Variants in TBXAS1 observed in about 807,000 individuals in gnomAD.
TBXAS1 encodes thromboxane A synthase 1.
In TBXAS1, 48 loss-of-function variants were observed where a neutral mutation model predicts 60.7. The ratio of observed to expected loss-of-function variants is 0.79; its 90% CI spans 0.63 to 1.01. The LOEUF is 1.01. Ranked by LOEUF, TBXAS1 falls within the 50% of genes least tolerant of loss-of-function variation. TBXAS1 has a pLI of 0.00. For missense variants in TBXAS1, 685 were observed against 686.3 expected (o/e 1.00, Z 0.02); for synonymous variants, 287 against 269.7 (o/e 1.06, Z -0.63).
intron 9 of TBXAS1, among the ~76,000 whole-genome samples, chr7:139,988,974 C>T (rs1585015830): frequency 6.6e-6 from 1 of 152,294 alleles, no homozygotes; most frequent in African/African-American, 2.4e-5. Flanking sequence ...CTGTCTGTGC[C>T]CGGGCAGGGC....
chr7:139,913,423 G>A (rs1245375896), intron 4 of TBXAS1: 3 of 437,252 alleles, frequency 6.9e-6, no homozygotes, highest in Non-Finnish European at 1.3e-5. Flanking sequence ...GTACTCCCAG[G>A]AGCCTGTCAT....
chr7:139,979,840 G>T (rs902515737), intron 9 of TBXAS1, among the ~76,000 whole-genome samples: 3 of 151,300 alleles, frequency 2.0e-5, no homozygotes, highest in Non-Finnish European at 4.4e-5. Flanking sequence ...TTTTTTTTAT[G>T]TAACATTTGA....
At chr7:139,854,342 G>A (rs1004726624) in intron 1 of TBXAS1, among the ~76,000 whole-genome samples, 2 of 152,180 alleles carry the variant, frequency 1.3e-5, no homozygotes, top group Non-Finnish European at 2.9e-5. Context: ...AGTGAGGCTA[G>A]CAGTCAAGCT....
chr7:139,838,775 C>T (rs1466485957), intron 1 of TBXAS1, among the ~76,000 whole-genome samples: 1 of 152,114 alleles, frequency 6.6e-6, no homozygotes, highest in Non-Finnish European at 1.5e-5. Context: ...TTAAACCGAC[C>T]AGTGTGTGGC....
chr7:139,921,883 G>A (rs1444210092), intron 4 of TBXAS1, among the ~76,000 whole-genome samples: 2 of 152,106 alleles, frequency 1.3e-5, no homozygotes, highest in African/African-American at 4.8e-5. Context: ...GTGCATGGTG[G>A]GTTTTTGTAC....
In TBXAS1 at chr7:139,896,633, G is replaced by A. The variant is rs190967633; in HGVS notation, c.237-14592G>A. Among the ~76,000 whole-genome samples the A allele has an allele frequency of 2.0e-5, 3 of 152,300 alleles. No homozygotes were observed. The highest frequency in any genetic ancestry group is 2.0e-4 in the Admixed American group (3 of 15,308). On this transcript the variant is annotated intron_variant, in intron 3 of 12. Transcript: ENST00000448866. The surrounding 1 kb of genome is among the most constrained non-coding windows in gnomAD (Gnocchi z 4.0). ...TCTTCAAATGTCCACTAACTTGCTA[G>A]AACATGTATACTTATAAAGTTGTTT...
chr7:140,016,122 A>T (rs1815030120), intron 11 of TBXAS1, among the ~76,000 whole-genome samples: 1 of 152,064 alleles, frequency 6.6e-6, no homozygotes, highest in South Asian at 2.1e-4. Flanking sequence ...AGGTCAGGAG[A>T]TCGAGACCAT....
intron 1 of TBXAS1, among the ~76,000 whole-genome samples, chr7:139,835,077 T>G (rs1217894998): frequency 6.6e-6 from 1 of 151,364 alleles, no homozygotes; most frequent in African/African-American, 2.4e-5. Context: ...TTTTTTTTTT[T>G]TTTTTCTGAG....
rs760943053 is a variant in TBXAS1 at position 139,829,335 on chromosome 7, G to A, written c.-56G>A. The A allele has an allele frequency of 9.1e-6, 14 of 1,546,148 alleles. No individual in the cohort carries two copies. The highest frequency in any genetic ancestry group is 5.3e-5 in the Admixed American group (3 of 56,842). On this transcript the variant is annotated 5_prime_UTR_variant, in exon 1 of 13. Transcript: ENST00000448866. The stretch of plus-strand genomic sequence containing the variant: ...AGAGCACGGTTCCCATAAGGGCGGC[G>A]AGATCAGCCTCCTGTCTCATCTGGA...
chr7:139,978,114 G>T (rs1335461569), intron 9 of TBXAS1, among the ~76,000 whole-genome samples: 1 of 152,130 alleles, frequency 6.6e-6, no homozygotes, highest in Admixed American at 6.6e-5. Context: ...CTGTGTTAAG[G>T]CCTGCTGCAG....
chr7:139,840,963 T>C (rs1038435444), intron 1 of TBXAS1, among the ~76,000 whole-genome samples: 2 of 152,194 alleles, frequency 1.3e-5, no homozygotes, highest in Non-Finnish European at 1.5e-5. Context: ...CCGTGACTTC[T>C]ATGCCCACTG....
At chr7:139,869,623 A>G (rs1314564125) in intron 1 of TBXAS1, among the ~76,000 whole-genome samples, 1 of 152,160 alleles carries the variant, frequency 6.6e-6, no homozygotes, top group Non-Finnish European at 1.5e-5. Context: ...TCCTGGCCTC[A>G]AGTGATCTGC....
intron 8 of TBXAS1, among the ~76,000 whole-genome samples, chr7:139,958,707 T>C (rs1364486185): frequency 2.0e-5 from 3 of 152,210 alleles, no homozygotes; most frequent in African/African-American, 7.2e-5. Context: ...CTGTGCAGCT[T>C]CACGCCCGGA....
intron 4 of TBXAS1, among the ~76,000 whole-genome samples, chr7:139,934,703 T>C (rs999730821): frequency 1.3e-5 from 2 of 152,216 alleles, no homozygotes; most frequent in East Asian, 3.9e-4. Context: ...GTCTTCTCCC[T>C]ATATCCTCAC....
At chr7:139,976,472 C>T (rs569537469) in intron 9 of TBXAS1, among the ~76,000 whole-genome samples, 3 of 152,310 alleles carry the variant, frequency 2.0e-5, no homozygotes, top group Admixed American at 6.5e-5. Context: ...GGGGAATCAA[C>T]TCAGGGTTAT....
At chr7:140,006,467 T>C (rs1464134745) in intron 9 of TBXAS1, among the ~76,000 whole-genome samples, 1 of 152,210 alleles carries the variant, frequency 6.6e-6, no homozygotes, top group African/African-American at 2.4e-5. Context: ...GGAATCTCAT[T>C]GGAACTTGCA....
intron 9 of TBXAS1, among the ~76,000 whole-genome samples, chr7:139,973,794 C>T (rs1811379097): frequency 6.6e-6 from 1 of 152,072 alleles, no homozygotes; most frequent in South Asian, 2.1e-4. Context: ...TTCTCACTCA[C>T]TTAATTTGAT....
intron 1 of TBXAS1, among the ~76,000 whole-genome samples, chr7:139,834,698 G>T (rs770432696): frequency 2.6e-5 from 4 of 151,994 alleles, no homozygotes; most frequent in African/African-American, 4.8e-5. Context: ...ACACCTTTAC[G>T]CACATAAACT....
At chr7:139,920,724 C>G (rs888879696) in intron 4 of TBXAS1, among the ~76,000 whole-genome samples, 4 of 152,204 alleles carry the variant, frequency 2.6e-5, no homozygotes, top group African/African-American at 9.7e-5. Flanking sequence ...CTTAACACCT[C>G]TCTTAAAATG....
Sources: gnomAD v4.1 joint callset for allele counts (sites outside exome capture counted in the v4.1 genomes callset) on GRCh38, gnomAD v4.1.1 for gene constraint, Gnocchi (gnomAD v3.1) non-coding constraint, MANE v1.5 for transcripts, NCBI Gene and HGNC (gene_info 2026-07-23, HGNC 2026-07-21) for gene names.